Variants in SCMH1 observed in about 807,000 individuals in gnomAD.
SCMH1 encodes the protein polycomb protein SCMH1.
A neutral mutation model predicts 70.8 loss-of-function variants in SCMH1; 37 were observed. That is an observed-to-expected ratio of 0.52 (90% CI 0.40 to 0.69). SCMH1 has a LOEUF of 0.69. Among genes scored for constraint, SCMH1 ranks in the 30% least tolerant of loss-of-function variants. The pLI is 0.00. For missense variants in SCMH1, 607 were observed against 827.3 expected (o/e 0.73, Z 3.27); for synonymous variants, 292 against 307.4 (o/e 0.95, Z 0.52).
At chr1:41,202,215 T>G (rs980445576) in intron 1 of SCMH1, among the ~76,000 whole-genome samples, 2 of 152,060 alleles carry the variant, frequency 1.3e-5, no homozygotes, top group African/African-American at 4.8e-5. Flanking sequence ...TTCGTATTTT[T>G]AGTAGAGACG....
At chr1:41,127,563 T>C (rs1673524606) in intron 6 of SCMH1, among the ~76,000 whole-genome samples, 1 of 152,180 alleles carries the variant, frequency 6.6e-6, no homozygotes, top group Non-Finnish European at 1.5e-5. Context: ...CTTATCCCAA[T>C]GTCATTTATG....
chr1:41,194,695 C>T (rs564388647), intron 1 of SCMH1, among the ~76,000 whole-genome samples: 1 of 152,254 alleles, frequency 6.6e-6, no homozygotes, highest in East Asian at 1.9e-4. Context: ...AGAAATATAA[C>T]CGCCTAAAAT....
chr1:41,192,495 G>GACACACACACACACACACACACACAC (rs55940657), intron 1 of SCMH1, among the ~76,000 whole-genome samples: 11 of 148,646 alleles, frequency 7.4e-5, no homozygotes, highest in Middle Eastern at 3.2e-3. Context: ...TTAAATAGGA[G>GACACACACACACACACACACACACAC]ACACACACAC....
At chr1:41,143,619 T>C (rs557804237) in intron 5 of SCMH1, among the ~76,000 whole-genome samples, 2 of 152,318 alleles carry the variant, frequency 1.3e-5, no homozygotes, top group East Asian at 1.9e-4. Flanking sequence ...TTAGTAAGTC[T>C]TGACATATGT....
At chr1:41,186,024 C>A (rs575672207) in intron 2 of SCMH1, 97 bp downstream of exon 2, 1 of 1,347,154 alleles carries the variant, frequency 7.4e-7, no homozygotes, top group Non-Finnish European at 1.0e-6. Flanking sequence ...AAAAGGATAA[C>A]GAGTAGTCTA....
At chr1:41,229,303 C>A (rs781033394) in intron 1 of SCMH1, among the ~76,000 whole-genome samples, 1 of 152,088 alleles carries the variant, frequency 6.6e-6, no homozygotes, top group African/African-American at 2.4e-5. Flanking sequence ...ATTGGCAATG[C>A]GGCACTATTC....
upstream of SCMH1, chr1:41,242,147 G>C (rs1318716752): frequency 2.0e-5 from 3 of 149,316 alleles, no homozygotes; most frequent in Non-Finnish European, 4.5e-5. This position sits in a 1 kb window ranked among gnomAD's most constrained non-coding sequence, Gnocchi z 5.2. Flanking sequence ...ACGCGGGAAG[G>C]GGGCGGGCGG....
At chr1:41,143,793 T>C (rs2148238176) in intron 5 of SCMH1, among the ~76,000 whole-genome samples, 1 of 152,350 alleles carries the variant, frequency 6.6e-6, no homozygotes, top group Non-Finnish European at 1.5e-5. Flanking sequence ...ATCTACTTTC[T>C]ATCACTGTAG....
Position 41,127,006 on chromosome 1 carries a change from C to T in SCMH1, c.413-9996G>A, listed in dbSNP as rs576210205. Among the ~76,000 whole-genome samples, 68 of 152,170 alleles carry T rather than the reference C, an allele frequency of 4.5e-4. 1 individual carries two copies. In the South Asian group the frequency reaches 0.012, roughly 27 times the overall value. ...TGTCCCCAGCAAAAAAAAATGAGAA[C>T]GCTTATTTCCCCACAGCCTTGCTGT... On this transcript the variant is annotated intron_variant, in intron 6 of 14. Coordinates refer to ENST00000337495, the Ensembl canonical transcript of SCMH1.
intron 1 of SCMH1, among the ~76,000 whole-genome samples, chr1:41,192,059 A>T (rs901165628): frequency 1.3e-5 from 2 of 152,202 alleles, no homozygotes; most frequent in African/African-American, 2.4e-5. Flanking sequence ...ATCAAGGTTA[A>T]ACGCAATGAC....
intron 9 of SCMH1, among the ~76,000 whole-genome samples, chr1:41,074,562 A>T (rs892262924): frequency 2.0e-5 from 3 of 152,108 alleles, no homozygotes; most frequent in African/African-American, 7.2e-5. Flanking sequence ...GAAAAAAAAA[A>T]CATTTACAGA....
intron 8 of SCMH1, among the ~76,000 whole-genome samples, chr1:41,103,323 G>A (rs1156701660): frequency 1.3e-5 from 2 of 151,982 alleles, no homozygotes; most frequent in East Asian, 3.9e-4. Flanking sequence ...TTTATTTTCA[G>A]TAGAGATGGA....
chr1:41,241,721 G>A (rs1663600884), intron 1 of SCMH1, among the ~76,000 whole-genome samples: 1 of 151,838 alleles, frequency 6.6e-6, no homozygotes, highest in Non-Finnish European at 1.5e-5. Flanking sequence ...CCGCCCCCAC[G>A]CCGACCCTCC....
intron 1 of SCMH1, among the ~76,000 whole-genome samples, chr1:41,190,738 A>C (rs1385211191): frequency 1.3e-5 from 2 of 152,144 alleles, no homozygotes; most frequent in African/African-American, 4.8e-5. Flanking sequence ...AGCCTTACAG[A>C]AGTGTGATAT....
chr1:41,156,723 GAC>G (rs1227793818), intron 4 of SCMH1, among the ~76,000 whole-genome samples: 1 of 152,122 alleles, frequency 6.6e-6, no homozygotes, highest in Non-Finnish European at 1.5e-5. Flanking sequence ...ACAGGCATGA[GAC>G]ACAGATTTGG....
intron 1 of SCMH1, among the ~76,000 whole-genome samples, chr1:41,219,235 G>C (rs1426476158): frequency 6.6e-6 from 1 of 152,166 alleles, no homozygotes; most frequent in Non-Finnish European, 1.5e-5. Flanking sequence ...ATTCTCCCAG[G>C]CCTCATCCTA....
chr1:41,225,561 T>C (rs1239161196), intron 1 of SCMH1, among the ~76,000 whole-genome samples: 3 of 152,182 alleles, frequency 2.0e-5, no homozygotes, highest in Non-Finnish European at 4.4e-5. Context: ...TTACCATAGG[T>C]ATGTTAAAAG....
intron 8 of SCMH1, among the ~76,000 whole-genome samples, chr1:41,094,159 G>T (rs1430602645): frequency 6.6e-6 from 1 of 152,266 alleles, no homozygotes; most frequent in East Asian, 1.9e-4. Context: ...CTCAAAGGCT[G>T]GGATTTAATA....
At chr1:41,189,531 T>A (rs555566877) in intron 1 of SCMH1, among the ~76,000 whole-genome samples, 1 of 152,146 alleles carries the variant, frequency 6.6e-6, no homozygotes, top group Non-Finnish European at 1.5e-5. Context: ...GAGATAACTA[T>A]GATGAGATGC....
Sources: gnomAD v4.1 joint callset for allele counts (sites outside exome capture counted in the v4.1 genomes callset) on GRCh38, gnomAD v4.1.1 for gene constraint, Gnocchi (gnomAD v3.1) non-coding constraint, MANE v1.5 for transcripts, NCBI Gene and HGNC (gene_info 2026-07-23, HGNC 2026-07-21) for gene names.